ZBTB6: variants seen among roughly 807,000 people sequenced by gnomAD.
The protein encoded by ZBTB6 is zinc finger and BTB domain-containing protein 6.
A neutral mutation model predicts 30.6 loss-of-function variants in ZBTB6; 11 were observed. The ratio of observed to expected loss-of-function variants is 0.36; its 90% CI spans 0.23 to 0.60. The LOEUF is 0.60. ZBTB6 is among the 20% of genes least tolerant of loss of function. The probability of loss-of-function intolerance (pLI) is 0.75; values close to 1 mark genes in which losing one functional copy is unlikely to be tolerated. For synonymous variants in ZBTB6, 174 were observed against 172.0 expected (o/e 1.01, Z -0.09); for missense variants, 380 against 489.4 (o/e 0.78, Z 2.11).
chr9:122,911,625 C>A lies in ZBTB6; in HGVS notation c.448G>T (p.Val150Phe). ...TDLCQSSDPD[V>F]KNEDENSDKD... ...TCAGAATTTTCATCTTCATTCTTAA[C>A]ATCAGGATCAGAAGACTGACACAGG... Residue 150 changes from valine (V) to phenylalanine (F), a missense_variant, in exon 2 of 2, where the codon GTT becomes TTT. By Grantham distance (50) the Val-to-Phe change is conservative (BLOSUM62 -1). Coordinates refer to ENST00000373659, the MANE Select transcript of ZBTB6 (RefSeq NM_006626.6). This position sits in a 1 kb window ranked among gnomAD's most constrained non-coding sequence, Gnocchi z 4.5. The A allele has an allele frequency of 6.2e-7, 1 of 1,613,470 alleles. No homozygotes were observed. The highest frequency in any genetic ancestry group is 8.5e-7 in the Non-Finnish European group (1 of 1,180,028).
chr9:122,912,110 G>C (rs1832959434), intron 1 of ZBTB6, 29 bp from the exon 2 acceptor site: 2 of 1,574,296 alleles, frequency 1.3e-6, no homozygotes, highest in Admixed American at 1.8e-5. Context: ...AAACATTGAT[G>C]TAATAAGGAT....
rs969413321 is a variant in ZBTB6 at position 122,910,674 on chromosome 9, T to A, written c.*124A>T. 8 of 1,002,938 alleles carry A rather than the reference T, an allele frequency of 8.0e-6. No homozygotes were observed. Among genetic ancestry groups the A allele is most frequent in the Non-Finnish European group, 1.0e-5 (7 of 701,024 alleles). 62.1% of individuals were successfully genotyped at this position (1,002,938 alleles called of 1,614,324 possible). ...TAGAAGTTCAGAAAGAATGATTATG[T>A]GTAAGCCGACAAAATATAAGAAACA... On this transcript the variant is annotated 3_prime_UTR_variant, in exon 2 of 2. Coordinates refer to ENST00000373659, the MANE Select transcript of ZBTB6 (RefSeq NM_006626.6).
rs371579801 is a variant in ZBTB6, at chr9:122,913,183, G to GTCCTCC, written c.-10+62_-10+67dup. 1.2e-3 allele frequency: 1,060 copies of GTCCTCC among 902,660 alleles called. 18 individuals are homozygous for GTCCTCC. In the East Asian group the frequency reaches 0.052, roughly 45 times the overall value. The allele number at this position is 902,660 out of a possible 1,614,324, so 55.9% of individuals were successfully genotyped here. ...AGCCACTCCGGGGCCGAGCCCAGCTGTCCTCCTCCTCCTCCTCCTCTTCCT... is the reference window on the plus strand; with the variant it reads ...AGCCACTCCGGGGCCGAGCCCAGCTGTCCTCCTCCTCCTCCTCCTCCTCCTCTTCCT... On this transcript the variant is annotated intron_variant, in intron 1 of 1. Transcript: ENST00000373659.
rs1242648484 is a variant in ZBTB6 at position 122,911,229 on chromosome 9, C to T, written c.844G>A (p.Gly282Arg). ...DQGLFCENTE[G>R]SYGTVSEIQN... ...ATCTCACTCACTGTACCATAACTTCCTTCAGTATTCTCACAAAATAAGCCC... is the reference window on the plus strand; with the variant it reads ...ATCTCACTCACTGTACCATAACTTCTTTCAGTATTCTCACAAAATAAGCCC... The change falls in exon 2 of 2, where the codon GGA (glycine) becomes AGA (arginine). Residue 282 changes from glycine (G) to arginine (R), a missense_variant. Physicochemically the swap from Gly to Arg is moderately radical, Grantham distance 125 (BLOSUM62 -2). Coordinates refer to ENST00000373659, the MANE Select transcript of ZBTB6 (RefSeq NM_006626.6). This position sits in a 1 kb window ranked among gnomAD's most constrained non-coding sequence, Gnocchi z 4.5. The T allele has an allele frequency of 6.2e-7, 1 of 1,614,184 alleles. No individual in the cohort carries two copies. Among genetic ancestry groups the T allele is most frequent in the Non-Finnish European group, 8.5e-7 (1 of 1,180,032 alleles).
At chr9:122,913,219 C>A in intron 1 of ZBTB6, 32 bp downstream of exon 1, 1 of 978,444 alleles carries the variant, frequency 1.0e-6, no homozygotes. Flanking sequence ...CAGGCACCCT[C>A]CACCTGAGGA....
chr9:122,912,619 CTTATT>C (rs997955812), intron 1 of ZBTB6, among the ~76,000 whole-genome samples: 8 of 152,076 alleles, frequency 5.3e-5, no homozygotes, highest in East Asian at 1.9e-4. Context: ...ATTAACAACC[CTTATT>C]TTATTTTATT....
Position 122,911,095 on chromosome 9 carries a change from G to C in ZBTB6, c.978C>G (p.Phe326Leu). 6.2e-7 allele frequency: 1 copy of C among 1,614,224 alleles called. No individual in the cohort carries two copies. The highest frequency in any genetic ancestry group is 8.5e-7 in the Non-Finnish European group (1 of 1,180,036). Residue 326 changes from phenylalanine (F) to leucine (L), a missense_variant, in exon 2 of 2, where the codon TTC becomes TTG. Physicochemically the swap from Phe to Leu is conservative, Grantham distance 22. Transcript: ENST00000373659. The surrounding 1 kb of genome is among the most constrained non-coding windows in gnomAD (Gnocchi z 4.5). Reference sequence around the variant, plus strand: ...ATGTTTTTCCGCACTGTAAGCATAAGAATAGTTTATGCATTTTAAGGTGGC... The same window carrying C: ...ATGTTTTTCCGCACTGTAAGCATAACAATAGTTTATGCATTTTAAGGTGGC... ...YLRHLKMHKLFLCLQCGKTFT... is the reference protein window; with the variant it reads ...YLRHLKMHKLLLCLQCGKTFT...
Position 122,911,940 on chromosome 9 carries a change from G to A in ZBTB6, c.133C>T (p.Gln45Ter). ...VSIYINDTEF[Q>*]GHKVILAACS... The stretch of plus-strand genomic sequence containing the variant: ...GCAGCCAAAATCACCTTGTGCCCCT[G>A]GAACTCAGTGTCATTAATGTAAATT... Residue 45 changes from glutamine (Q) to a stop codon, truncating the protein, a stop_gained, in exon 2 of 2, where the codon CAG (glutamine) becomes TAG (stop). Transcript: ENST00000373659. LOFTEE classifies it high-confidence loss of function. This position sits in a 1 kb window ranked among gnomAD's most constrained non-coding sequence, Gnocchi z 4.5. 1 of 1,614,140 alleles carries A rather than the reference G, an allele frequency of 6.2e-7. No individual in the cohort carries two copies. The highest frequency in any genetic ancestry group is 8.5e-7 in the Non-Finnish European group (1 of 1,180,030).
rs1832940226 is a variant in ZBTB6, at chr9:122,910,405, T to C, written c.*393A>G. On this transcript the variant is annotated 3_prime_UTR_variant, in exon 2 of 2. Transcript: ENST00000373659. The stretch of plus-strand genomic sequence containing the variant: ...ACAGGTAATAGTGTTTTTACCTTTA[T>C]TTTCTCTTCTTGTTATCCTAATTCA... 1 of 159,552 alleles carries C rather than the reference T, an allele frequency of 6.3e-6. No individual in the cohort carries two copies. The highest frequency in any genetic ancestry group is 6.1e-5 in the Admixed American group (1 of 16,406). The allele number at this position is 159,552 out of a possible 1,614,324, so 9.9% of individuals were successfully genotyped here.
intron 1 of ZBTB6, among the ~76,000 whole-genome samples, chr9:122,912,865 C>T (rs182505809): frequency 3.9e-5 from 6 of 152,278 alleles, no homozygotes; most frequent in Admixed American, 2.6e-4. Context: ...TTCGCGTTTC[C>T]AGTTCCTTTT....
intron 1 of ZBTB6, 46 bp from the exon 2 acceptor site, chr9:122,912,127 T>A: frequency 6.5e-7 from 1 of 1,527,360 alleles, no homozygotes; most frequent in Non-Finnish European, 8.8e-7. Context: ...GGATAGGGAA[T>A]GCTTTCCCAT....
chr9:122,910,711 G>A lies in ZBTB6; in HGVS notation c.*87C>T. On this transcript the variant is annotated 3_prime_UTR_variant, in exon 2 of 2. Transcript: ENST00000373659. ...AAATATAAGAAACAAAGATTGGGGG[G>A]ATGAAATATTACAAATGCTGCATCT... is the stretch of plus-strand genomic sequence containing the variant. 1 of 1,247,578 alleles carries A rather than the reference G, an allele frequency of 8.0e-7. No individual in the cohort carries two copies. 77.3% of individuals were successfully genotyped at this position (1,247,578 alleles called of 1,614,324 possible).
At chr9:122,913,166 CG>C (rs901859596) in intron 1 of ZBTB6, 84 bp downstream of exon 1, 1 of 836,800 alleles carries the variant, frequency 1.2e-6, no homozygotes, top group Non-Finnish European at 1.4e-6. Context: ...TTAGCCACTC[CG>C]GGGCCGAGCC....
Position 122,910,795 on chromosome 9 carries a change from T to C in ZBTB6, c.*3A>G, listed in dbSNP as rs777169070. The C allele has an allele frequency of 6.3e-7, 1 of 1,595,458 alleles. No individual in the cohort carries two copies. The highest frequency in any genetic ancestry group is 2.2e-5 in the East Asian group (1 of 44,466). ...ACTTTATATAACAAGTCTGTGATTA[T>C]AATTATAGTAGACTTTGCCTTTTGA... On this transcript the variant is annotated 3_prime_UTR_variant, in exon 2 of 2. Transcript: ENST00000373659.
In ZBTB6 at chr9:122,911,602, A is replaced by G; in HGVS notation, c.471T>C (p.Ser157=). 1 of 1,613,664 alleles carries G rather than the reference A, an allele frequency of 6.2e-7. No homozygotes were observed. The highest frequency in any genetic ancestry group is 1.1e-5 in the South Asian group (1 of 91,084). ...DPDVKNEDEN[S]DKDCEIIEIS... ...TTTCAATTATCTCACAGTCTTTATCAGAATTTTCATCTTCATTCTTAACAT... is the reference window on the plus strand; with the variant it reads ...TTTCAATTATCTCACAGTCTTTATCGGAATTTTCATCTTCATTCTTAACAT... The change falls in exon 2 of 2, where the codon TCT becomes TCC. Residue 157 remains serine (S), a synonymous_variant. Coordinates refer to ENST00000373659, the MANE Select transcript of ZBTB6 (RefSeq NM_006626.6). This position sits in a 1 kb window ranked among gnomAD's most constrained non-coding sequence, Gnocchi z 4.5.
At position 122,908,585 on chromosome 9, in the gene ZBTB6, C is replaced by T. The variant is rs1564330850; in HGVS notation, c.*2213G>A. The T allele has an allele frequency of 6.6e-6, 1 of 152,420 alleles. No homozygotes were observed. The highest frequency in any genetic ancestry group is 1.5e-5 in the Non-Finnish European group (1 of 67,988). The allele number at this position is 152,420 out of a possible 1,614,324, so 9.4% of individuals were successfully genotyped here. A position where few individuals can be genotyped will look rare whatever the true frequency, so the allele number is the denominator to read the frequency against. Reference sequence around the variant, plus strand: ...TACTAATTCTTAAAAAATCAGAGTACTATTCTTTTACCCTCTCCTCCCATC... The same window carrying T: ...TACTAATTCTTAAAAAATCAGAGTATTATTCTTTTACCCTCTCCTCCCATC... On this transcript the variant is annotated 3_prime_UTR_variant, in exon 2 of 2. Coordinates refer to ENST00000373659, the MANE Select transcript of ZBTB6 (RefSeq NM_006626.6).
At position 122,908,236 on chromosome 9, in the gene ZBTB6, C is replaced by A. The variant is rs1408042515; in HGVS notation, c.*2562G>T. ...AACACTTTTCATTTTTCTGTCATATCAGAAACATAAACTAAATGTGAATAT... is the reference window on the plus strand; with the variant it reads ...AACACTTTTCATTTTTCTGTCATATAAGAAACATAAACTAAATGTGAATAT... On this transcript the variant is annotated 3_prime_UTR_variant, in exon 2 of 2. Coordinates refer to ENST00000373659, the MANE Select transcript of ZBTB6 (RefSeq NM_006626.6). The A allele has an allele frequency of 6.6e-6, 1 of 152,106 alleles. No homozygotes were observed. The highest frequency in any genetic ancestry group is 1.5e-5 in the Non-Finnish European group (1 of 68,002). The allele number at this position is 152,106 out of a possible 1,614,324, so 9.4% of individuals were successfully genotyped here.
chr9:122,910,744 A>G lies in ZBTB6; in HGVS notation c.*54T>C. On this transcript the variant is annotated 3_prime_UTR_variant, in exon 2 of 2. Coordinates refer to ENST00000373659, the MANE Select transcript of ZBTB6 (RefSeq NM_006626.6). ...ATTACAAATGCTGCATCTCTACAGA[A>G]AGACTTGCGTAATAGAATAATACAA... The G allele has an allele frequency of 1.4e-6, 2 of 1,467,502 alleles. No homozygotes were observed. The highest frequency in any genetic ancestry group is 1.8e-6 in the Non-Finnish European group (2 of 1,086,464). The allele number at this position is 1,467,502 out of a possible 1,614,324, so 90.9% of individuals were successfully genotyped here.
chr9:122,911,091 A>G lies in ZBTB6; in HGVS notation c.982T>C (p.Cys328Arg). The G allele has an allele frequency of 1.2e-6, 2 of 1,614,240 alleles. No individual in the cohort carries two copies. Among genetic ancestry groups the G allele is most frequent in the Non-Finnish European group, 1.7e-6 (2 of 1,180,042 alleles). ...RHLKMHKLFL[C>R]LQCGKTFTQK... ...GTAAATGTTTTTCCGCACTGTAAGCATAAGAATAGTTTATGCATTTTAAGG... is the reference window on the plus strand; with the variant it reads ...GTAAATGTTTTTCCGCACTGTAAGCGTAAGAATAGTTTATGCATTTTAAGG... The change falls in exon 2 of 2, where the codon TGC becomes CGC. Residue 328 changes from cysteine (C) to arginine (R), a missense_variant. Cys to Arg is a radical substitution (Grantham distance 180). Coordinates refer to ENST00000373659, the MANE Select transcript of ZBTB6 (RefSeq NM_006626.6). This position sits in a 1 kb window ranked among gnomAD's most constrained non-coding sequence, Gnocchi z 4.5.
Sources: gnomAD v4.1 joint callset for allele counts (sites outside exome capture counted in the v4.1 genomes callset) on GRCh38, gnomAD v4.1.1 for gene constraint, Gnocchi (gnomAD v3.1) non-coding constraint, MANE v1.5 for transcripts, NCBI Gene and HGNC (gene_info 2026-07-23, HGNC 2026-07-21) for gene names.